PCTP: variants seen among roughly 807,000 people sequenced by gnomAD.
PCTP encodes START domain-containing protein 2.
PCTP carries 27 observed loss-of-function variants against 31.0 expected under a neutral mutation model. The ratio of observed to expected loss-of-function variants is 0.87; its 90% CI spans 0.64 to 1.20. The LOEUF is 1.20. Among genes scored for constraint, PCTP ranks in the 50% most tolerant of loss-of-function variants. The pLI, the probability that PCTP is intolerant of heterozygous loss-of-function variation, is 0.00. For missense variants in PCTP, 287 were observed against 268.2 expected (o/e 1.07, Z -0.49); for synonymous variants, 108 against 101.2 (o/e 1.07, Z -0.40).
chr17:55,756,986 C>T (rs545385142), intron 1 of PCTP, among the ~76,000 whole-genome samples: 2 of 152,044 alleles, frequency 1.3e-5, no homozygotes, highest in Non-Finnish European at 2.9e-5. Context: ...TTTGAAATCT[C>T]AGTTTCCTCA....
chr17:55,765,925 G>A (rs1432768852), intron 1 of PCTP, among the ~76,000 whole-genome samples: 1 of 152,122 alleles, frequency 6.6e-6, no homozygotes, highest in Non-Finnish European at 1.5e-5. Context: ...TACCAGGAAC[G>A]GGCTTTTCCT....
At chr17:55,804,377 G>T (rs954875895) in intron 3 of PCTP, among the ~76,000 whole-genome samples, 8 of 152,080 alleles carry the variant, frequency 5.3e-5, no homozygotes, top group Non-Finnish European at 1.0e-4. Flanking sequence ...TATGCCCAAA[G>T]GATTATAAAT....
intron 5 of PCTP, among the ~76,000 whole-genome samples, chr17:55,833,911 A>G (rs1905691262): frequency 6.6e-6 from 1 of 152,212 alleles, no homozygotes; most frequent in Non-Finnish European, 1.5e-5. Context: ...TTCACATATC[A>G]GTGTGTACAA....
At chr17:55,767,512 T>A in intron 2 of PCTP, 60 bp downstream of exon 2, 1 of 1,187,630 alleles carries the variant, frequency 8.4e-7, no homozygotes, top group Non-Finnish European at 1.2e-6. Flanking sequence ...TAGCCCAGGG[T>A]GAAGTGCAAA....
intron 5 of PCTP, among the ~76,000 whole-genome samples, chr17:55,832,084 A>C (rs946983932): frequency 6.6e-6 from 1 of 152,106 alleles, no homozygotes; most frequent in African/African-American, 2.4e-5. Context: ...CAAACAAACA[A>C]ACAAACAACA....
chr17:55,818,637 G>T (rs1913007873), intron 3 of PCTP, among the ~76,000 whole-genome samples: 1 of 152,176 alleles, frequency 6.6e-6, no homozygotes, highest in African/African-American at 2.4e-5. Flanking sequence ...AATATTTGTG[G>T]AATTAAATTG....
intron 4 of PCTP, 70 bp downstream of exon 4, chr17:55,773,965 G>A (rs1016186316): frequency 3.4e-6 from 5 of 1,472,566 alleles, no homozygotes; most frequent in African/African-American, 1.4e-5. Flanking sequence ...CTGATGGGGG[G>A]ACATGTCGAG....
At chr17:55,803,048 A>C (rs1912442409) in intron 3 of PCTP, among the ~76,000 whole-genome samples, 1 of 152,228 alleles carries the variant, frequency 6.6e-6, no homozygotes, top group African/African-American at 2.4e-5. Context: ...AATCACAAGC[A>C]TTCCTGTACA....
intron 2 of PCTP, among the ~76,000 whole-genome samples, chr17:55,783,305 G>C (rs1911630012): frequency 6.6e-6 from 1 of 152,148 alleles, no homozygotes; most frequent in Non-Finnish European, 1.5e-5. Flanking sequence ...TTAGGGAAGG[G>C]AGAGAGGCTG....
chr17:55,833,424 A>G (rs1905671403), intron 5 of PCTP, among the ~76,000 whole-genome samples: 1 of 152,214 alleles, frequency 6.6e-6, no homozygotes, highest in African/African-American at 2.4e-5. Flanking sequence ...TTCAAAAATG[A>G]ACAATTTATC....
chr17:55,777,642 A>C (rs1433052179), downstream of PCTP, among the ~76,000 whole-genome samples: 2 of 152,224 alleles, frequency 1.3e-5, no homozygotes, highest in African/African-American at 4.8e-5. Flanking sequence ...GTAGGTTTGC[A>C]TCTTCCTAGG....
At chr17:55,846,569 CCAAG>C, downstream of PCTP, among the ~76,000 whole-genome samples, 1 of 152,084 alleles carries the variant, frequency 6.6e-6, no homozygotes, top group East Asian at 1.9e-4. Context: ...TGGAAGGTGG[CCAAG>C]CAGTGTCTGT....
intron 3 of PCTP, among the ~76,000 whole-genome samples, chr17:55,811,202 CAA>C (rs1237640661): frequency 6.6e-6 from 1 of 152,154 alleles, no homozygotes; most frequent in East Asian, 1.9e-4. Flanking sequence ...TTGTTACATA[CAA>C]AGTCTTTCCT....
At chr17:55,789,029 A>G (rs185443718) in intron 3 of PCTP, among the ~76,000 whole-genome samples, 29 of 152,354 alleles carry the variant, frequency 1.9e-4, no homozygotes, top group African/African-American at 6.0e-4. Flanking sequence ...TGGATAAGTC[A>G]TTTAATGTAT....
chr17:55,778,958 G>A (rs1267363843), downstream of PCTP, among the ~76,000 whole-genome samples: 2 of 152,104 alleles, frequency 1.3e-5, no homozygotes, highest in Non-Finnish European at 2.9e-5. Flanking sequence ...GTCCTGGCCT[G>A]ACTCCCTGGC....
chr17:55,827,333 C>T (rs549792099), downstream of PCTP, among the ~76,000 whole-genome samples: 2 of 152,308 alleles, frequency 1.3e-5, no homozygotes, highest in East Asian at 3.9e-4. Flanking sequence ...CCCCAGCCAA[C>T]CACCAGCTAA....
At chr17:55,804,943 T>A (rs1179589940) in intron 3 of PCTP, among the ~76,000 whole-genome samples, 3 of 152,094 alleles carry the variant, frequency 2.0e-5, no homozygotes, top group Admixed American at 6.6e-5. Context: ...TGGGTTTTTT[T>A]AAAAAAACAT....
downstream of PCTP, among the ~76,000 whole-genome samples, chr17:55,826,191 T>A (rs1905389478): frequency 6.6e-6 from 1 of 152,176 alleles, no homozygotes; most frequent in Non-Finnish European, 1.5e-5. Flanking sequence ...ACACTGAATG[T>A]GGAACAGTGG....
chr17:55,800,828 T>A (rs1912350947), intron 3 of PCTP, among the ~76,000 whole-genome samples: 1 of 152,174 alleles, frequency 6.6e-6, no homozygotes, highest in Non-Finnish European at 1.5e-5. Flanking sequence ...TCTTTTTTTT[T>A]ATGTTGATGC....
Sources: gnomAD v4.1 joint callset for allele counts (sites outside exome capture counted in the v4.1 genomes callset) on GRCh38, gnomAD v4.1.1 for gene constraint, MANE v1.5 for transcripts, NCBI Gene and HGNC (gene_info 2026-07-23, HGNC 2026-07-21) for gene names.